MAPK10: variants seen among roughly 807,000 people sequenced by gnomAD.
MAPK10 encodes JNK3 alpha protein kinase.
In MAPK10, 25 loss-of-function variants were observed where a neutral mutation model predicts 59.3. That is an observed-to-expected ratio of 0.42 (90% CI 0.31 to 0.59). The LOEUF (loss-of-function observed/expected upper bound fraction) is 0.59. Ranked by LOEUF, MAPK10 falls within the 20% of genes least tolerant of loss-of-function variation. MAPK10 has a pLI of 0.15. For synonymous variants in MAPK10, 190 were observed against 200.5 expected (o/e 0.95, Z 0.44); for missense variants, 351 against 568.9 (o/e 0.62, Z 3.90).
intron 1 of MAPK10, among the ~76,000 whole-genome samples, chr4:86,412,642 C>T (rs184565210): frequency 1.1e-4 from 16 of 152,164 alleles, no homozygotes; most frequent in Admixed American, 6.5e-4. Context: ...CACTTTATTT[C>T]ATTTATTTGA....
Position 86,327,785 on chromosome 4 carries a change from C to CAGAAAA in MAPK10, c.-7+26744_-7+26745insTTTTCT, listed in dbSNP as rs2096061163. 4.4e-5 allele frequency: 3 copies of CAGAAAA among 68,908 alleles called. No homozygotes were observed. The East Asian group carries it at 1.5e-3, about 35-fold the overall frequency. The allele number at this position is 68,908 out of a possible 1,614,324, so 4.3% of individuals were successfully genotyped here. On this transcript the variant is annotated intron_variant, in intron 2 of 13. Coordinates refer to ENST00000641462, the MANE Select transcript of MAPK10 (RefSeq NM_138982.4). ...CGAAACCCCATCTCTACTAAAAATA[C>CAGAAAA]AAAAAAAAAAAAAAAAAAGCTGGGC...
intron 4 of MAPK10, among the ~76,000 whole-genome samples, chr4:86,144,304 A>G (rs1050785781): frequency 4.6e-5 from 7 of 152,118 alleles, no homozygotes; most frequent in Non-Finnish European, 5.9e-5. Flanking sequence ...GAATCCAGAA[A>G]TATTACTTTA....
In MAPK10 at chr4:86,119,581, C is replaced by CTCAA. The variant is rs1561944122; in HGVS notation, c.237-12230_237-12229insTTGA. On this transcript the variant is annotated intron_variant, in intron 4 of 13. Transcript: ENST00000641462. Reference sequence around the variant, plus strand: ...CCTGGGTGACAGAGCAAGACTCCATCACAAAAAAAAAAAAAAAAAAAAAGC... The same window carrying CTCAA: ...CCTGGGTGACAGAGCAAGACTCCATCTCAAACAAAAAAAAAAAAAAAAAAAAAGC... 3.1e-5 allele frequency: 2 copies of CTCAA among 65,306 alleles called. 1 individual carries two copies. Among genetic ancestry groups the CTCAA allele is most frequent in the African/African-American group, 1.6e-4 (2 of 12,344 alleles). The allele number at this position is 65,306 out of a possible 1,614,324, so 4.0% of individuals were successfully genotyped here. A position where few individuals can be genotyped will look rare whatever the true frequency, so the allele number is the denominator to read the frequency against.
intron 1 of MAPK10, among the ~76,000 whole-genome samples, chr4:86,552,495 GGGAAGGAAAGGAAGGAA>G (rs1759908589): frequency 2.2e-5 from 1 of 45,754 alleles, no homozygotes; most frequent in African/African-American, 6.7e-5. Flanking sequence ...GAGGGAGGGA[GGGAAGGAAAGGAAGGAA>G]GGAAGGAAGG....
intron 1 of MAPK10, among the ~76,000 whole-genome samples, chr4:86,474,613 C>G (rs752946974): frequency 3.5e-4 from 53 of 152,118 alleles, no homozygotes; most frequent in Non-Finnish European, 6.0e-4. Flanking sequence ...TTTTCTTCAT[C>G]ATCATACTTA....
At chr4:86,089,373 C>CAG in intron 9 of MAPK10, 1 of 806,436 alleles carries the variant, frequency 1.2e-6, no homozygotes, top group Non-Finnish European at 2.1e-6. Flanking sequence ...GAGCAATAGT[C>CAG]TGACTTTTCA....
intron 11 of MAPK10, chr4:86,031,702 T>C: frequency 2.7e-6 from 1 of 373,460 alleles, no homozygotes; most frequent in Non-Finnish European, 4.9e-6. Context: ...ATCTTCTGAT[T>C]TAGAACCCAC....
At chr4:86,298,642 A>G (rs1004846229) in intron 2 of MAPK10, among the ~76,000 whole-genome samples, 3 of 152,238 alleles carry the variant, frequency 2.0e-5, no homozygotes, top group Non-Finnish European at 4.4e-5. Context: ...GTAGACACTT[A>G]ATATTGGTTG....
chr4:86,217,601 C>T (rs1187256980), intron 2 of MAPK10, among the ~76,000 whole-genome samples: 1 of 152,160 alleles, frequency 6.6e-6, no homozygotes, highest in East Asian at 1.9e-4. Context: ...ACAGAATACT[C>T]AGCATGTAAC....
intron 1 of MAPK10, among the ~76,000 whole-genome samples, chr4:86,568,981 C>A (rs192386477): frequency 9.2e-5 from 14 of 152,082 alleles, no homozygotes; most frequent in Middle Eastern, 3.4e-3. Context: ...TTCTGCACAG[C>A]AAAACAAACA....
chr4:86,211,673 T>C (rs1311820001), intron 2 of MAPK10, among the ~76,000 whole-genome samples: 1 of 152,136 alleles, frequency 6.6e-6, no homozygotes, highest in Non-Finnish European at 1.5e-5. Context: ...TAAAAGTTAG[T>C]ATTATTGCAA....
chr4:86,448,406 T>A (rs1362721039), intron 1 of MAPK10, among the ~76,000 whole-genome samples: 1 of 152,052 alleles, frequency 6.6e-6, no homozygotes, highest in African/African-American at 2.4e-5. Flanking sequence ...TCTGGGTTTT[T>A]TTTTTTATCT....
At chr4:86,293,399 C>T (rs1362534275) in intron 2 of MAPK10, among the ~76,000 whole-genome samples, 3 of 152,272 alleles carry the variant, frequency 2.0e-5, no homozygotes, top group Admixed American at 6.5e-5. Context: ...GGGTTGAAAT[C>T]GGAGCACAGA....
chr4:86,571,327 C>CGTGTGTGT (rs34133535), intron 1 of MAPK10, among the ~76,000 whole-genome samples: 4,988 of 139,652 alleles, frequency 0.036, 133 homozygotes, highest in Non-Finnish European at 0.048. Context: ...TATATATATA[C>CGTGTGTGT]GTGTGTGTGT....
At chr4:86,477,079 G>T (rs1251468183) in intron 1 of MAPK10, among the ~76,000 whole-genome samples, 4 of 152,288 alleles carry the variant, frequency 2.6e-5, no homozygotes, top group African/African-American at 9.6e-5. Flanking sequence ...CTGCCCGATT[G>T]CCTCAGAAGC....
chr4:86,389,883 CT>C (rs2149007897), intron 1 of MAPK10, among the ~76,000 whole-genome samples: 1 of 152,288 alleles, frequency 6.6e-6, no homozygotes, highest in African/African-American at 2.4e-5. Flanking sequence ...ACAGATGAGT[CT>C]GCATTTATAG....
rs926741019 is a variant in MAPK10, at chr4:86,427,356, G to A, written c.-122+25674C>T. On this transcript the variant is annotated intron_variant, in intron 1 of 13. Transcript: ENST00000361569. ...TATGTCACTCTCTCAACGATGCAAC[G>A]TTCACCTTTGGTAGCTAACCAAAGA... Among the ~76,000 whole-genome samples, 11 of 151,646 alleles carry A rather than the reference G, an allele frequency of 7.3e-5. No homozygotes were observed. The South Asian group carries it at 1.9e-3, about 26-fold the overall frequency.
At chr4:86,328,448 C>T (rs191154140) in intron 2 of MAPK10, among the ~76,000 whole-genome samples, 1 of 152,122 alleles carries the variant, frequency 6.6e-6, no homozygotes, top group Non-Finnish European at 1.5e-5. Context: ...TGTGGCGATT[C>T]CTCAAGGATC....
intron 2 of MAPK10, among the ~76,000 whole-genome samples, chr4:86,267,777 G>A (rs900820644): frequency 6.6e-6 from 1 of 151,896 alleles, no homozygotes. Context: ...CCTTATTAAA[G>A]TGGCCTTCCA....
Sources: gnomAD v4.1 joint callset for allele counts (sites outside exome capture counted in the v4.1 genomes callset) on GRCh38, gnomAD v4.1.1 for gene constraint, MANE v1.5 for transcripts, NCBI Gene and HGNC (gene_info 2026-07-23, HGNC 2026-07-21) for gene names.